The following FHIT variants were observed in gnomAD, a reference collection of about 807,000 sequenced individuals.
FHIT encodes the protein fragile histidine triad diadenosine triphosphatase, also known as bis(5'-adenosyl)-triphosphatase.
A neutral mutation model predicts 17.9 loss-of-function variants in FHIT; 19 were observed. That is an observed-to-expected ratio of 1.06 (90% CI 0.74 to 1.56). The LOEUF (loss-of-function observed/expected upper bound fraction) is 1.56, where lower values mean the gene tolerates loss of function less well. Among genes scored for constraint, FHIT ranks in the 40% most tolerant of loss-of-function variants. The probability of loss-of-function intolerance (pLI) is 0.00; values close to 1 mark genes in which losing one functional copy is unlikely to be tolerated. For missense variants in FHIT, 248 were observed against 189.2 expected, an observed-to-expected ratio of 1.31 and a Z score of -1.82; for synonymous variants, 81 against 69.7, an observed-to-expected ratio of 1.16 and a Z score of -0.81.
intron 5 of FHIT, among the ~76,000 whole-genome samples, chr3:60,344,449 G>A (rs977201971): frequency 6.6e-6 from 1 of 152,078 alleles, no homozygotes; most frequent in South Asian, 2.1e-4. Flanking sequence ...GCCTCATGTT[G>A]GAAACAGATT....
At chr3:60,642,382 C>T (rs1553685534) in intron 4 of FHIT, among the ~76,000 whole-genome samples, 1 of 152,120 alleles carries the variant, frequency 6.6e-6, no homozygotes, top group East Asian at 1.9e-4. Context: ...TCAGTCAGAC[C>T]CAGGGTTGCA....
rs192366218 is a variant in FHIT at position 60,348,193 on chromosome 3, G to T, written c.103+188667C>A. Among the ~76,000 whole-genome samples the T allele has an allele frequency of 7.6e-3, 1,154 of 152,064 alleles. 8 individuals carry two copies. The highest frequency in any genetic ancestry group is 0.01 in the Non-Finnish European group (707 of 67,952). The stretch of plus-strand genomic sequence containing the variant: ...CACACCTAAGAATTGACAAATGTTT[G>T]TTTAACAAATCAATGGATGAATAAA... On this transcript the variant is annotated intron_variant, in intron 5 of 9. Transcript: ENST00000492590.
chr3:61,203,663 C>A (rs2039106999), intron 1 of FHIT, among the ~76,000 whole-genome samples: 1 of 151,976 alleles, frequency 6.6e-6, no homozygotes, highest in South Asian at 2.1e-4. Context: ...AAAAACAAAA[C>A]AAAACAATTT....
intron 4 of FHIT, among the ~76,000 whole-genome samples, chr3:60,620,567 C>T (rs1441344481): frequency 1.3e-5 from 2 of 150,138 alleles, no homozygotes; most frequent in African/African-American, 2.5e-5. Context: ...TGTGTGATTC[C>T]AGTGATGGGA....
intron 2 of FHIT, chr3:61,165,910 T>C (rs1220364563): frequency 2.6e-5 from 4 of 152,276 alleles, no homozygotes; most frequent in Non-Finnish European, 4.4e-5. Flanking sequence ...ATAGCTGCTA[T>C]TGAATTTATC....
At chr3:59,953,789 T>G (rs1707248790) in intron 7 of FHIT, among the ~76,000 whole-genome samples, 1 of 152,200 alleles carries the variant, frequency 6.6e-6, no homozygotes, top group South Asian at 2.1e-4. Context: ...CAAGCACACA[T>G]GCCTCCTTTC....
chr3:60,440,707 GT>G lies in FHIT; in HGVS notation c.103+96152del, dbSNP rs368838222. The stretch of plus-strand genomic sequence containing the variant: ...CAGATAAAATTTATATAAATCCAAA[GT>G]TTTTTTCTTGCCTGTCTTTCTGCAA... On this transcript the variant is annotated intron_variant, in intron 5 of 9. Coordinates refer to ENST00000492590, the MANE Select transcript of FHIT (RefSeq NM_002012.4). Among the ~76,000 whole-genome samples the G allele has an allele frequency of 2.2e-3, 339 of 152,012 alleles. 4 individuals are homozygous for G. The highest frequency in any genetic ancestry group is 0.01 in the Middle Eastern group (3 of 294).
chr3:60,342,383 T>C (rs1345256843), intron 5 of FHIT, among the ~76,000 whole-genome samples: 1 of 152,204 alleles, frequency 6.6e-6, no homozygotes, highest in African/African-American at 2.4e-5. Context: ...GAGATTCTCA[T>C]CCTAGGTTTA....
chr3:59,968,380 C>T (rs1442624438), intron 7 of FHIT, among the ~76,000 whole-genome samples: 2 of 151,874 alleles, frequency 1.3e-5, no homozygotes, highest in Non-Finnish European at 2.9e-5. Flanking sequence ...TCAGAAAGCT[C>T]AGCTCTACTT....
chr3:60,600,507 C>T (rs576128155), intron 4 of FHIT, among the ~76,000 whole-genome samples: 1 of 152,158 alleles, frequency 6.6e-6, no homozygotes, highest in South Asian at 2.1e-4. Flanking sequence ...ATACCTTACC[C>T]AACACCTATA....
chr3:60,310,749 T>C (rs1277115874), intron 5 of FHIT, among the ~76,000 whole-genome samples: 3 of 152,148 alleles, frequency 2.0e-5, no homozygotes, highest in Admixed American at 6.6e-5. Flanking sequence ...AAATTTGTAA[T>C]TGAAATTATT....
rs375570033 is a variant in FHIT at position 59,817,703 on chromosome 3, C to T, written c.349-65382G>A. 4.6e-5 allele frequency among the ~76,000 whole-genome samples: 7 copies of T among 152,108 alleles called. No individual in the cohort carries two copies. The East Asian group carries it at 7.7e-4, about 17-fold the overall frequency. On this transcript the variant is annotated intron_variant, in intron 8 of 9. Coordinates refer to ENST00000492590, the MANE Select transcript of FHIT (RefSeq NM_002012.4). ...GAAGAGCTTTGTTTCACATTCGTTTCGGCTTCCAAAGCAACTAGTCAAGTC... is the reference window on the plus strand; with the variant it reads ...GAAGAGCTTTGTTTCACATTCGTTTTGGCTTCCAAAGCAACTAGTCAAGTC...
intron 5 of FHIT, among the ~76,000 whole-genome samples, chr3:60,036,685 T>C (rs17061912): frequency 0.016 from 2,500 of 152,286 alleles, 60 homozygotes; most frequent in African/African-American, 0.056. Flanking sequence ...AGGGCATCCA[T>C]TTCCTTTACA....
intron 4 of FHIT, among the ~76,000 whole-genome samples, chr3:60,740,210 G>A (rs1437156523): frequency 6.6e-6 from 1 of 152,170 alleles, no homozygotes; most frequent in African/African-American, 2.4e-5. Context: ...AGACTCAAAG[G>A]ACAATCTTAT....
At chr3:60,511,865 C>G (rs1414715572) in intron 5 of FHIT, among the ~76,000 whole-genome samples, 1 of 152,096 alleles carries the variant, frequency 6.6e-6, no homozygotes, top group East Asian at 1.9e-4. Context: ...AAAGGGACTT[C>G]TGCTGTCAAA....
chr3:60,359,366 C>T (rs1029805738), intron 5 of FHIT, among the ~76,000 whole-genome samples: 12 of 148,910 alleles, frequency 8.1e-5, no homozygotes, highest in South Asian at 4.3e-4. Flanking sequence ...ATGCAACCTC[C>T]GCCTCCTGGG....
chr3:60,157,248 G>A (rs948064760), intron 5 of FHIT, among the ~76,000 whole-genome samples: 5 of 152,174 alleles, frequency 3.3e-5, no homozygotes, highest in Non-Finnish European at 5.9e-5. Context: ...AGACCACAGT[G>A]AATGATCGGT....
intron 5 of FHIT, among the ~76,000 whole-genome samples, chr3:60,183,176 T>C (rs9864838): frequency 0.041 from 6,204 of 152,192 alleles, 219 homozygotes; most frequent in South Asian, 0.13. Flanking sequence ...GGCGTGCACA[T>C]CACTTGAGGT....
At chr3:59,886,989 G>A (rs111501517) in intron 8 of FHIT, among the ~76,000 whole-genome samples, 2 of 152,262 alleles carry the variant, frequency 1.3e-5, no homozygotes, top group African/African-American at 4.8e-5. Context: ...GCATTCCTGT[G>A]GCACTCAAAG....
Sources: gnomAD v4.1 joint callset for allele counts (sites outside exome capture counted in the v4.1 genomes callset) on GRCh38, gnomAD v4.1.1 for gene constraint, MANE v1.5 for transcripts, NCBI Gene and HGNC (gene_info 2026-07-23, HGNC 2026-07-21) for gene names.